The following CBFA2T2 variants were observed in gnomAD, a reference collection of about 807,000 sequenced individuals.
CBFA2T2 encodes CBFA2/RUNX1 partner transcriptional co-repressor 2.
CBFA2T2 carries 11 observed loss-of-function variants against 62.2 expected under a neutral mutation model. The observed-to-expected ratio is 0.18, with a 90% CI of 0.11 to 0.29. The LOEUF is 0.29. Ranked by LOEUF, CBFA2T2 falls within the 10% of genes least tolerant of loss-of-function variation. The probability of loss-of-function intolerance (pLI) is 1.00; values close to 1 mark genes in which losing one functional copy is unlikely to be tolerated. For missense variants in CBFA2T2, 592 were observed against 774.1 expected (o/e 0.76, Z 2.79); for synonymous variants, 295 against 287.5 (o/e 1.03, Z -0.27).
At chr20:33,621,287 CTT>C (rs199805350) in intron 4 of CBFA2T2, among the ~76,000 whole-genome samples, 307 of 85,222 alleles carry the variant, frequency 3.6e-3, no homozygotes, top group African/African-American at 0.013. Flanking sequence ...ATTTTACTGC[CTT>C]TTTTTTTTTT....
chr20:33,554,048 T>C (rs1382610153), intron 1 of CBFA2T2, among the ~76,000 whole-genome samples: 5 of 152,040 alleles, frequency 3.3e-5, no homozygotes, highest in Non-Finnish European at 7.4e-5. Flanking sequence ...AAAATGTAGA[T>C]TGAAATTTTA....
rs2016381111 is a variant in CBFA2T2 at position 33,629,736 on chromosome 20, G to A, written c.1050G>A (p.Met350Ile). Residue 350 changes from methionine (M) to isoleucine (I), a missense_variant, in exon 8 of 11, where the codon ATG (methionine) becomes ATA (isoleucine). Transcript: ENST00000342704. ...KHLDHALNCIMEMVEKTRRSM... is the reference protein window; with the variant it reads ...KHLDHALNCIIEMVEKTRRSM... ...TGACTCAGGCGCTGAATTGCATTAT[G>A]GAAATGGTAGAGAAAACAAGGCGCT... 1 of 1,613,706 alleles carries A rather than the reference G, an allele frequency of 6.2e-7. No individual in the cohort carries two copies. Among genetic ancestry groups the A allele is most frequent in the Non-Finnish European group, 8.5e-7 (1 of 1,179,882 alleles).
At chr20:33,520,289 A>G (rs1164771713) in intron 1 of CBFA2T2, among the ~76,000 whole-genome samples, 4 of 152,228 alleles carry the variant, frequency 2.6e-5, no homozygotes, top group Non-Finnish European at 4.4e-5. Flanking sequence ...TCACTGAGGT[A>G]GGGAGGAGAG....
chr20:33,595,467 C>T (rs1207544988), intron 1 of CBFA2T2, among the ~76,000 whole-genome samples: 1 of 152,128 alleles, frequency 6.6e-6, no homozygotes, highest in Non-Finnish European at 1.5e-5. Flanking sequence ...ACCTCGGCCT[C>T]CCAAAGTGCT....
At chr20:33,568,879 G>T (rs556029230) in intron 1 of CBFA2T2, among the ~76,000 whole-genome samples, 3 of 152,136 alleles carry the variant, frequency 2.0e-5, no homozygotes, top group South Asian at 4.2e-4. Context: ...CCCCCAGTAG[G>T]CTGTATAGCT....
At chr20:33,580,776 C>G (rs952777916) in intron 1 of CBFA2T2, among the ~76,000 whole-genome samples, 1 of 152,078 alleles carries the variant, frequency 6.6e-6, no homozygotes, top group African/African-American at 2.4e-5. Context: ...TCACCCTGAG[C>G]CCAAGAGGTT....
At chr20:33,544,139 C>T (rs901648500) in intron 1 of CBFA2T2, among the ~76,000 whole-genome samples, 3 of 152,178 alleles carry the variant, frequency 2.0e-5, no homozygotes, top group Non-Finnish European at 2.9e-5. Flanking sequence ...TAATGACTCC[C>T]ATTTTACTGA....
intron 10 of CBFA2T2, 57 bp downstream of exon 10, chr20:33,640,588 G>A (rs1424228546): frequency 6.6e-7 from 1 of 1,522,596 alleles, no homozygotes; most frequent in South Asian, 1.2e-5. Context: ...CACGCCCGCT[G>A]CCTTCCTCTC....
chr20:33,594,040 T>C (rs1427341502), intron 1 of CBFA2T2, among the ~76,000 whole-genome samples: 1 of 152,172 alleles, frequency 6.6e-6, no homozygotes, highest in South Asian at 2.1e-4. Flanking sequence ...ATCAGCACTT[T>C]GGATACTACG....
At chr20:33,507,743 A>G (rs981442048) in intron 1 of CBFA2T2, among the ~76,000 whole-genome samples, 23 of 152,278 alleles carry the variant, frequency 1.5e-4, no homozygotes, top group African/African-American at 5.1e-4. Flanking sequence ...TTACCTTTCA[A>G]TCCTTTGCTG....
At chr20:33,537,088 T>C (rs1432337088) in intron 1 of CBFA2T2, among the ~76,000 whole-genome samples, 2 of 151,946 alleles carry the variant, frequency 1.3e-5, no homozygotes, top group African/African-American at 2.4e-5. Flanking sequence ...GACGGGGTGG[T>C]GGCCGGGCAG....
At chr20:33,573,881 G>A in intron 1 of CBFA2T2, 1 of 268,632 alleles carries the variant, frequency 3.7e-6, no homozygotes, top group Non-Finnish European at 7.2e-6. Context: ...CATGGGCTCA[G>A]GTAGTTGTCC....
rs869215854 is a variant in CBFA2T2, at chr20:33,529,746, TA to T, written c.34+39446del. Among the ~76,000 whole-genome samples, 1,021 of 129,286 alleles carry T rather than the reference TA, an allele frequency of 7.9e-3. 51 individuals are homozygous for T. The highest frequency in any genetic ancestry group is 0.031 in the African/African-American group (964 of 31,430). The allele number at this position is 129,286 out of a possible 152,430, so 84.8% of individuals were successfully genotyped here. The stretch of plus-strand genomic sequence containing the variant: ...GTATCAAGAAAGAAGAAAGCAGTTA[TA>T]TATATATATATATATATATATATAT... On this transcript the variant is annotated intron_variant, in intron 1 of 10. Transcript: ENST00000342704.
At chr20:33,611,059 C>A in intron 2 of CBFA2T2, 35 bp from the exon 3 acceptor site, 1 of 1,609,980 alleles carries the variant, frequency 6.2e-7, no homozygotes. Context: ...TTGTTTTACA[C>A]GTAACCTGAG....
intron 1 of CBFA2T2, among the ~76,000 whole-genome samples, chr20:33,577,161 A>G (rs2013871289): frequency 6.6e-6 from 1 of 152,256 alleles, no homozygotes; most frequent in Non-Finnish European, 1.5e-5. Context: ...TCATTGTTAA[A>G]TAATCATTTC....
intron 2 of CBFA2T2, among the ~76,000 whole-genome samples, chr20:33,609,395 G>A (rs1363743679): frequency 1.3e-5 from 2 of 151,988 alleles, no homozygotes; most frequent in South Asian, 2.1e-4. Flanking sequence ...CCAGCTACTC[G>A]GGAGGCTGAG....
At chr20:33,505,320 A>T (rs1258351955) in intron 1 of CBFA2T2, among the ~76,000 whole-genome samples, 3 of 152,314 alleles carry the variant, frequency 2.0e-5, no homozygotes, top group Non-Finnish European at 4.4e-5. Context: ...AGTTAATTTC[A>T]TCTTTTCACC....
intron 1 of CBFA2T2, among the ~76,000 whole-genome samples, chr20:33,596,948 TTCAGTC>T (rs2014920727): frequency 6.6e-6 from 1 of 151,576 alleles, no homozygotes; most frequent in African/African-American, 2.4e-5. Context: ...CTTTCTTTTT[TTCAGTC>T]TCATCTGTCA....
At chr20:33,498,247 CTT>C (rs150003478) in intron 1 of CBFA2T2, among the ~76,000 whole-genome samples, 28 of 134,858 alleles carry the variant, frequency 2.1e-4, no homozygotes, top group Admixed American at 2.2e-4. Flanking sequence ...AATTTTCTTT[CTT>C]TTTTTTTTTT....
Sources: gnomAD v4.1 joint callset for allele counts (sites outside exome capture counted in the v4.1 genomes callset) on GRCh38, gnomAD v4.1.1 for gene constraint, MANE v1.5 for transcripts, NCBI Gene and HGNC (gene_info 2026-07-23, HGNC 2026-07-21) for gene names.